Variants in GRID2 observed in about 807,000 individuals in gnomAD.
The protein encoded by GRID2 is glutamate receptor ionotropic, delta-2.
GRID2 carries 33 observed loss-of-function variants against 114.8 expected under a neutral mutation model. The ratio of observed to expected loss-of-function variants is 0.29; its 90% CI spans 0.22 to 0.38. GRID2 has a LOEUF of 0.38. Among genes scored for constraint, GRID2 ranks in the 10% least tolerant of loss-of-function variants. The pLI is 1.00. For synonymous variants in GRID2, 505 were observed against 449.9 expected (o/e 1.12, Z -1.55); for missense variants, 1,184 against 1,257.7 (o/e 0.94, Z 0.89).
chr4:93,760,795 C>T (rs368219423), intron 14 of GRID2, among the ~76,000 whole-genome samples: 7 of 152,154 alleles, frequency 4.6e-5, no homozygotes, highest in Non-Finnish European at 8.8e-5. Flanking sequence ...TTGTCTTACC[C>T]GTTCTTAGTA....
intron 13 of GRID2, among the ~76,000 whole-genome samples, chr4:93,576,753 T>C (rs1401119304): frequency 6.6e-6 from 1 of 152,156 alleles, no homozygotes; most frequent in African/African-American, 2.4e-5. Flanking sequence ...CCAAGAATTT[T>C]CTTTAAAGAG....
chr4:93,412,183 TG>T (rs1355482857), intron 9 of GRID2, among the ~76,000 whole-genome samples: 1 of 151,270 alleles, frequency 6.6e-6, no homozygotes, highest in Non-Finnish European at 1.5e-5. Flanking sequence ...GGGGATCACT[TG>T]AGGTCAAGAC....
At chr4:93,050,866 G>A (rs1042247452) in intron 2 of GRID2, among the ~76,000 whole-genome samples, 23 of 151,930 alleles carry the variant, frequency 1.5e-4, no homozygotes, top group African/African-American at 5.3e-4. Context: ...CATTATCCTT[G>A]CTTTCACTTC....
At chr4:92,644,113 G>T (rs1388446577) in intron 2 of GRID2, among the ~76,000 whole-genome samples, 1 of 151,572 alleles carries the variant, frequency 6.6e-6, no homozygotes, top group Non-Finnish European at 1.5e-5. Context: ...ATAAAAAAAG[G>T]GTAGTGTTGG....
At chr4:92,451,826 A>G (rs1170159129) in intron 1 of GRID2, among the ~76,000 whole-genome samples, 1 of 152,206 alleles carries the variant, frequency 6.6e-6, no homozygotes, top group Non-Finnish European at 1.5e-5. Flanking sequence ...ATATCAAAAG[A>G]GCCTAAGTAT....
chr4:93,739,072 G>C (rs147352682), intron 14 of GRID2, among the ~76,000 whole-genome samples: 1 of 152,088 alleles, frequency 6.6e-6, no homozygotes, highest in Non-Finnish European at 1.5e-5. Flanking sequence ...TCAGTCAGGA[G>C]CTACTGACTG....
chr4:93,623,364 G>A (rs946442152), intron 13 of GRID2, among the ~76,000 whole-genome samples: 2 of 151,886 alleles, frequency 1.3e-5, no homozygotes, highest in Non-Finnish European at 2.9e-5. Flanking sequence ...GTGTCCATGT[G>A]TTCTCATTGT....
At chr4:93,299,923 C>T (rs1309212273) in intron 8 of GRID2, among the ~76,000 whole-genome samples, 1 of 152,112 alleles carries the variant, frequency 6.6e-6, no homozygotes, top group East Asian at 1.9e-4. Context: ...CCCTTGTTAT[C>T]TACAGCAGAT....
chr4:93,658,920 T>C (rs1723245672), intron 14 of GRID2, among the ~76,000 whole-genome samples: 2 of 152,104 alleles, frequency 1.3e-5, no homozygotes, highest in South Asian at 4.1e-4. Context: ...TTGTAATCAG[T>C]TAGCAGAGCA....
At chr4:93,285,679 A>G (rs1753081577) in intron 8 of GRID2, among the ~76,000 whole-genome samples, 1 of 152,060 alleles carries the variant, frequency 6.6e-6, no homozygotes, top group African/African-American at 2.4e-5. Flanking sequence ...TGAAGTCTTT[A>G]AAAACTTGTT....
At chr4:93,304,257 A>AATATATAT (rs10557964) in intron 8 of GRID2, among the ~76,000 whole-genome samples, 2 of 142,984 alleles carry the variant, frequency 1.4e-5, no homozygotes, top group South Asian at 4.4e-4. Context: ...TAATATTTTA[A>AATATATAT]ATATATATAT....
chr4:92,740,726 A>G (rs189180565), intron 2 of GRID2, among the ~76,000 whole-genome samples: 7 of 142,612 alleles, frequency 4.9e-5, no homozygotes, highest in Admixed American at 1.4e-4. Flanking sequence ...ATAGATAGAT[A>G]GATAGATAGA....
intron 14 of GRID2, among the ~76,000 whole-genome samples, chr4:93,686,282 C>T (rs111933505): frequency 6.6e-6 from 1 of 151,928 alleles, no homozygotes; most frequent in Non-Finnish European, 1.5e-5. Context: ...CTAAACCCTG[C>T]TCATGAGGTC....
intron 13 of GRID2, among the ~76,000 whole-genome samples, chr4:93,615,634 CA>C (rs369869703): frequency 1.4e-5 from 2 of 141,660 alleles, no homozygotes; most frequent in African/African-American, 5.5e-5. Flanking sequence ...AAAAGGCCTT[CA>C]CCCCAAAAAA....
intron 1 of GRID2, among the ~76,000 whole-genome samples, chr4:92,447,367 C>G (rs376212048): frequency 1.3e-5 from 2 of 152,262 alleles, no homozygotes; most frequent in East Asian, 3.9e-4. Context: ...AAACTATTGG[C>G]AGACCTTCTA....
At chr4:93,284,702 T>C (rs1305266675) in intron 8 of GRID2, among the ~76,000 whole-genome samples, 1 of 151,806 alleles carries the variant, frequency 6.6e-6, no homozygotes, top group African/African-American at 2.4e-5. Context: ...AAATATATAA[T>C]TATATGGTGA....
intron 3 of GRID2, among the ~76,000 whole-genome samples, chr4:93,091,099 C>T (rs1463662580): frequency 6.6e-6 from 1 of 152,092 alleles, no homozygotes; most frequent in Non-Finnish European, 1.5e-5. Context: ...TTTTAAGCTA[C>T]AGTAGCAGAG....
chr4:93,598,186 C>G (rs990022300), intron 13 of GRID2, among the ~76,000 whole-genome samples: 1 of 152,100 alleles, frequency 6.6e-6, no homozygotes, highest in South Asian at 2.1e-4. Flanking sequence ...CATTTCACAC[C>G]CGGGCGGTCT....
intron 14 of GRID2, among the ~76,000 whole-genome samples, chr4:93,737,100 T>C (rs1037444344): frequency 1.1e-4 from 16 of 152,076 alleles, no homozygotes; most frequent in Non-Finnish European, 2.9e-5. Flanking sequence ...GAACTAATAA[T>C]GTAGTTTCTT....
Sources: gnomAD v4.1 joint callset for allele counts (sites outside exome capture counted in the v4.1 genomes callset) on GRCh38, gnomAD v4.1.1 for gene constraint, MANE v1.5 for transcripts, NCBI Gene and HGNC (gene_info 2026-07-23, HGNC 2026-07-21) for gene names.